The following ZMIZ1 variants were observed in gnomAD, a reference collection of about 807,000 sequenced individuals.
ZMIZ1 encodes the protein zinc finger MIZ-type containing 1.
Under a neutral mutation model 113.9 loss-of-function variants are expected in ZMIZ1, and 17 were observed. The observed-to-expected ratio is 0.15, with a 90% CI of 0.10 to 0.22. The LOEUF is 0.22. Ranked by LOEUF, ZMIZ1 falls within the 10% of genes least tolerant of loss-of-function variation. ZMIZ1 has a pLI of 1.00. For synonymous variants in ZMIZ1, 607 were observed against 603.1 expected, an observed-to-expected ratio of 1.01 and a Z score of -0.09; for missense variants, 1,059 against 1,477.8, an observed-to-expected ratio of 0.72 and a Z score of 4.65.
chr10:79,262,146 G>A (rs548358502), intron 7 of ZMIZ1, among the ~76,000 whole-genome samples: 70 of 152,294 alleles, frequency 4.6e-4, no homozygotes, highest in Non-Finnish European at 9.1e-4. Flanking sequence ...CTTGTTCATG[G>A]AGTAACAGAG....
chr10:79,150,221 C>T (rs1272185064), intron 3 of ZMIZ1, among the ~76,000 whole-genome samples: 1 of 152,238 alleles, frequency 6.6e-6, no homozygotes, highest in Non-Finnish European at 1.5e-5. Flanking sequence ...CCCGCCCACC[C>T]AACAGGAAGC....
intron 1 of ZMIZ1, among the ~76,000 whole-genome samples, chr10:79,101,452 C>T (rs572599074): frequency 8.6e-4 from 131 of 152,268 alleles, no homozygotes; most frequent in African/African-American, 2.7e-3. Context: ...TTGTTCCTGT[C>T]TAGGGGCAGC....
intron 2 of ZMIZ1, among the ~76,000 whole-genome samples, chr10:79,135,987 G>A (rs548374109): frequency 6.6e-6 from 1 of 150,544 alleles, no homozygotes; most frequent in South Asian, 2.2e-4. Context: ...TGGGAAGGCC[G>A]CTGGGGCTGA....
At position 79,300,892 on chromosome 10, in the gene ZMIZ1, T is replaced by G; in HGVS notation, c.1969T>G (p.Cys657Gly). Reference sequence around the variant, plus strand: ...CAAGCCCCTGCACCTGAAGCACGTGTGCCAGCCGGGCCGCAACACCATCCA... The same window carrying G: ...CAAGCCCCTGCACCTGAAGCACGTGGGCCAGCCGGGCCGCAACACCATCCA... ...SHKPLHLKHV[C>G]QPGRNTIQIT... Residue 657 changes from cysteine (C) to glycine (G), a missense_variant, in exon 17 of 25, where the codon TGC becomes GGC. Transcript: ENST00000334512. 2 of 1,612,942 alleles carry G rather than the reference T, an allele frequency of 1.2e-6. No individual in the cohort carries two copies. The highest frequency in any genetic ancestry group is 1.7e-6 in the Non-Finnish European group (2 of 1,179,954).
chr10:79,190,674 G>A (rs1847561520), intron 4 of ZMIZ1, among the ~76,000 whole-genome samples: 1 of 152,160 alleles, frequency 6.6e-6, no homozygotes, highest in Non-Finnish European at 1.5e-5. Context: ...CACACCCCCT[G>A]TGTGGCTAGG....
chr10:79,209,135 A>C (rs1485779656), intron 6 of ZMIZ1, among the ~76,000 whole-genome samples: 1 of 152,000 alleles, frequency 6.6e-6, no homozygotes, highest in African/African-American at 2.4e-5. Context: ...CATGGGCAGG[A>C]GTCTGCAAAG....
intron 21 of ZMIZ1, 33 bp from the exon 22 acceptor site, chr10:79,306,067 G>C (rs763481872): frequency 6.2e-7 from 1 of 1,600,060 alleles, no homozygotes; most frequent in Non-Finnish European, 8.5e-7. Flanking sequence ...CAGGCACCCC[G>C]GAGCCTCAGC....
At chr10:79,245,707 G>A (rs956311143) in intron 7 of ZMIZ1, among the ~76,000 whole-genome samples, 3 of 152,200 alleles carry the variant, frequency 2.0e-5, no homozygotes, top group Non-Finnish European at 4.4e-5. Context: ...CCTGAATGTT[G>A]CCCCAGGGAG....
chr10:79,210,985 C>T (rs1306620959), intron 6 of ZMIZ1, among the ~76,000 whole-genome samples: 1 of 152,156 alleles, frequency 6.6e-6, no homozygotes, highest in East Asian at 1.9e-4. Context: ...TGTTCCCTGC[C>T]TCCAGTGTAA....
At chr10:79,235,463 G>A (rs1176056004) in intron 7 of ZMIZ1, among the ~76,000 whole-genome samples, 4 of 152,134 alleles carry the variant, frequency 2.6e-5, no homozygotes, top group Admixed American at 6.5e-5. Context: ...CCTACAGCAG[G>A]CCTCAGAAGC....
intron 1 of ZMIZ1, among the ~76,000 whole-genome samples, chr10:79,115,986 G>A (rs767413941): frequency 1.3e-5 from 2 of 152,180 alleles, no homozygotes; most frequent in Non-Finnish European, 2.9e-5. Context: ...ATTATACTAC[G>A]GCCATGGGTC....
intron 7 of ZMIZ1, among the ~76,000 whole-genome samples, chr10:79,241,501 G>A (rs745612020): frequency 6.6e-6 from 1 of 152,128 alleles, no homozygotes; most frequent in Non-Finnish European, 1.5e-5. Flanking sequence ...GCTGCCCTGG[G>A]GTTGGCCTGC....
chr10:79,237,220 A>G (rs555343780), intron 7 of ZMIZ1, among the ~76,000 whole-genome samples: 67 of 152,332 alleles, frequency 4.4e-4, no homozygotes, highest in African/African-American at 1.5e-3. Flanking sequence ...CTGGAGGGAA[A>G]TGAGGTCAGA....
At chr10:79,093,135 AACACACACACACAC>A (rs5786379) in intron 1 of ZMIZ1, among the ~76,000 whole-genome samples, 50 of 107,994 alleles carry the variant, frequency 4.6e-4, no homozygotes, top group Non-Finnish European at 7.7e-4. Flanking sequence ...CCCCACCCCC[AACACACACACACAC>A]ACACACACAC....
intron 4 of ZMIZ1, among the ~76,000 whole-genome samples, chr10:79,176,428 C>G: frequency 6.6e-6 from 1 of 152,036 alleles, no homozygotes; most frequent in East Asian, 1.9e-4. Context: ...TCTTAGAGCT[C>G]CGAGGTCTTC....
At chr10:79,301,966 C>T (rs971621077) in intron 17 of ZMIZ1, 141 bp from the exon 18 acceptor site, 3 of 733,970 alleles carry the variant, frequency 4.1e-6, no homozygotes, top group Non-Finnish European at 4.7e-6. Context: ...TGCTCAGGCT[C>T]GCAAGTCCCA....
At chr10:79,205,312 C>T (rs781158175) in intron 5 of ZMIZ1, among the ~76,000 whole-genome samples, 6 of 152,236 alleles carry the variant, frequency 3.9e-5, no homozygotes, top group Non-Finnish European at 5.9e-5. Flanking sequence ...GCCCTGGCCC[C>T]TCCCTCCACC....
At chr10:79,293,219 G>T in intron 11 of ZMIZ1, 162 bp from the exon 12 acceptor site, 1 of 931,954 alleles carries the variant, frequency 1.1e-6, no homozygotes, top group Non-Finnish European at 1.6e-6. Flanking sequence ...GGTGGATCCT[G>T]CTCCCCTGGG....
intron 7 of ZMIZ1, among the ~76,000 whole-genome samples, chr10:79,271,330 G>A (rs1266728800): frequency 6.6e-6 from 1 of 152,212 alleles, no homozygotes; most frequent in Non-Finnish European, 1.5e-5. Context: ...GCATATGCAG[G>A]GATTTGTGTG....
Sources: allele counts gnomAD v4.1 joint callset (sites outside exome capture counted in the v4.1 genomes callset), GRCh38; gene constraint gnomAD v4.1.1; transcripts MANE v1.5; gene names NCBI Gene and HGNC (gene_info 2026-07-23, HGNC 2026-07-21).